Variants in CLEC2A observed in about 807,000 individuals in gnomAD.
CLEC2A encodes the protein C-type lectin domain family 2 member A, also known as keratinocyte-associated C-type lectin.
In CLEC2A, 19 loss-of-function variants were observed where a neutral mutation model predicts 18.6. The ratio of observed to expected loss-of-function variants is 1.02; its 90% confidence interval spans 0.71 to 1.50. CLEC2A has a LOEUF of 1.50. Ranked by LOEUF, CLEC2A falls within the 40% of genes most tolerant of loss-of-function variation. The pLI is 0.00. For missense variants in CLEC2A, 190 were observed against 207.9 expected, an observed-to-expected ratio of 0.91 and a Z score of 0.53; for synonymous variants, 74 against 64.0, an observed-to-expected ratio of 1.16 and a Z score of -0.75.
chr12:9,900,702 T>A (rs1489010882), intron 4 of CLEC2A, among the ~76,000 whole-genome samples: 1 of 152,146 alleles, frequency 6.6e-6, no homozygotes, highest in Non-Finnish European at 1.5e-5. Context: ...GAAAGTGACA[T>A]TCTTTACTGA....
At chr12:9,900,205 A>G (rs1422152537) in intron 4 of CLEC2A, among the ~76,000 whole-genome samples, 1 of 152,144 alleles carries the variant, frequency 6.6e-6, no homozygotes, top group Admixed American at 6.5e-5. Flanking sequence ...TTGCAGGATA[A>G]TTGCTCAAAA....
the CLEC2A span, among the ~76,000 whole-genome samples, chr12:9,890,118 C>T: frequency 2.0e-5 from 3 of 152,226 alleles, no homozygotes; most frequent in South Asian, 2.1e-4. Context: ...AAAGTAGTGA[C>T]TAGATATTAT....
chr12:9,890,032 C>G, the CLEC2A span, among the ~76,000 whole-genome samples: 1 of 151,816 alleles, frequency 6.6e-6, no homozygotes, highest in Admixed American at 6.6e-5. Flanking sequence ...AAAACAGCAC[C>G]AATAATTATC....
Position 9,913,457 on chromosome 12 carries a change from C to T in CLEC2A, c.*109G>A. ...ATCTATAAACTAGAAAATGGGCCCT[C>T]ACCAGAGGTTCCGTATTCTGTAACA... On this transcript the variant is annotated 3_prime_UTR_variant, in exon 5 of 5. Coordinates refer to ENST00000455827, the MANE Select transcript of CLEC2A (RefSeq NM_001130711.2). 7.0e-7 allele frequency: 1 copy of T among 1,435,386 alleles called. No individual in the cohort carries two copies. Among genetic ancestry groups the T allele is most frequent in the South Asian group, 1.5e-5 (1 of 64,586 alleles). 88.9% of individuals were successfully genotyped at this position (1,435,386 alleles called of 1,614,324 possible).
intron 1 of CLEC2A, among the ~76,000 whole-genome samples, chr12:9,929,813 T>C (rs1863344349): frequency 6.6e-6 from 1 of 152,132 alleles, no homozygotes; most frequent in Non-Finnish European, 1.5e-5. Flanking sequence ...ATACAAAAAT[T>C]AGCTATTTCT....
At chr12:9,880,247 A>G in the CLEC2A span, among the ~76,000 whole-genome samples, 5 of 152,234 alleles carry the variant, frequency 3.3e-5, no homozygotes, top group African/African-American at 1.2e-4. Flanking sequence ...AATAGGTGAG[A>G]TGACTTGTCG....
At chr12:9,881,648 C>T in the CLEC2A span, 6 of 1,535,050 alleles carry the variant, frequency 3.9e-6, no homozygotes, top group East Asian at 2.4e-5. Context: ...CGTTGTAAAT[C>T]GAAGCAGAAA....
chr12:9,915,224 C>A (rs545800273), intron 4 of CLEC2A, among the ~76,000 whole-genome samples: 39 of 151,928 alleles, frequency 2.6e-4, no homozygotes, highest in African/African-American at 8.0e-4. Flanking sequence ...GAGGCTGTGG[C>A]GAGATAGGAA....
chr12:9,910,648 G>T (rs1022144353), downstream of CLEC2A, among the ~76,000 whole-genome samples: 3 of 152,138 alleles, frequency 2.0e-5, no homozygotes, highest in Non-Finnish European at 4.4e-5. Context: ...AAGATATCCC[G>T]ACCTCCAAGG....
At chr12:9,924,537 T>C (rs1037957076) in intron 2 of CLEC2A, among the ~76,000 whole-genome samples, 1 of 143,730 alleles carries the variant, frequency 7.0e-6, no homozygotes. Flanking sequence ...AAGCAAACCA[T>C]GCATATGGAA....
At chr12:9,925,891 C>T (rs1170446497) in intron 2 of CLEC2A, among the ~76,000 whole-genome samples, 2 of 152,128 alleles carry the variant, frequency 1.3e-5, no homozygotes, top group African/African-American at 2.4e-5. Context: ...CTCCCTAATT[C>T]GGGAATAGTC....
the CLEC2A span, among the ~76,000 whole-genome samples, chr12:9,892,683 C>G: frequency 6.9e-6 from 1 of 145,096 alleles, no homozygotes; most frequent in East Asian, 2.0e-4. Flanking sequence ...CTCCCAGGTT[C>G]AAGCGATTCT....
At chr12:9,882,884 A>AAT in the CLEC2A span, among the ~76,000 whole-genome samples, 3 of 152,222 alleles carry the variant, frequency 2.0e-5, no homozygotes, top group Non-Finnish European at 4.4e-5. Flanking sequence ...TTTGATATAT[A>AAT]ATAAGAAAAA....
intron 1 of CLEC2A, among the ~76,000 whole-genome samples, chr12:9,932,062 C>CA (rs1863384154): frequency 6.6e-6 from 1 of 152,166 alleles, no homozygotes; most frequent in African/African-American, 2.4e-5. Context: ...AATTCTGCCC[C>CA]AAAACCTTCT....
chr12:9,894,086 CTTCT>C (rs1188185806), downstream of CLEC2A, among the ~76,000 whole-genome samples: 4 of 141,702 alleles, frequency 2.8e-5, no homozygotes, highest in Admixed American at 7.0e-5. Context: ...TTTCTCTCTT[CTTCT>C]TTCTCTTTCT....
chr12:9,896,088 A>G (rs1230851071), downstream of CLEC2A, among the ~76,000 whole-genome samples: 1 of 152,256 alleles, frequency 6.6e-6, no homozygotes, highest in East Asian at 1.9e-4. Context: ...AATTATTTTA[A>G]TAGTTATTTA....
At chr12:9,895,696 G>T (rs1261627283), downstream of CLEC2A, 1 of 1,530,408 alleles carries the variant, frequency 6.5e-7, no homozygotes, top group Non-Finnish European at 8.7e-7. Flanking sequence ...TAGGTTTTCA[G>T]TGATTGGACC....
At chr12:9,882,382 A>G in the CLEC2A span, among the ~76,000 whole-genome samples, 1 of 152,186 alleles carries the variant, frequency 6.6e-6, no homozygotes, top group East Asian at 1.9e-4. Context: ...TATTATCTGA[A>G]GACTCAGATC....
the CLEC2A span, among the ~76,000 whole-genome samples, chr12:9,887,519 T>C: frequency 1.3e-5 from 2 of 152,174 alleles, no homozygotes; most frequent in African/African-American, 4.8e-5. Flanking sequence ...ATTCATTGTT[T>C]TGGAATAACA....
Sources: gnomAD v4.1 joint callset for allele counts (sites outside exome capture counted in the v4.1 genomes callset) on GRCh38, gnomAD v4.1.1 for gene constraint, MANE v1.5 for transcripts, NCBI Gene and HGNC (gene_info 2026-07-23, HGNC 2026-07-21) for gene names.